DYNC2I1: variants seen among roughly 807,000 people sequenced by gnomAD.
DYNC2I1 encodes cytoplasmic dynein 2 intermediate chain 1.
Under a neutral mutation model 133.4 loss-of-function variants are expected in DYNC2I1, and 89 were observed. That is an observed-to-expected ratio of 0.67 (90% CI 0.56 to 0.80). The LOEUF is 0.80. DYNC2I1 is among the 30% of genes least tolerant of loss of function. The pLI is 0.00. For synonymous variants in DYNC2I1, 504 were observed against 484.3 expected, an observed-to-expected ratio of 1.04 and a Z score of -0.54; for missense variants, 1,291 against 1,314.5, an observed-to-expected ratio of 0.98 and a Z score of 0.28.
chr7:158,937,083 GAGCTCTCTGACC>G (rs1850833274), intron 23 of DYNC2I1, among the ~76,000 whole-genome samples: 2 of 152,170 alleles, frequency 1.3e-5, no homozygotes. Flanking sequence ...AGTGATTTGT[GAGCTCTCTGACC>G]AAGAGTTCAG....
intron 1 of DYNC2I1, among the ~76,000 whole-genome samples, chr7:158,867,395 G>A (rs1281948219): frequency 6.6e-6 from 1 of 152,192 alleles, no homozygotes; most frequent in Non-Finnish European, 1.5e-5. Context: ...TGAGGCCTCA[G>A]TGCAGCTGTG....
intron 6 of DYNC2I1, among the ~76,000 whole-genome samples, chr7:158,885,211 T>A (rs904248755): frequency 6.6e-6 from 1 of 151,774 alleles, no homozygotes; most frequent in Non-Finnish European, 1.5e-5. Context: ...GAGCTGGGGG[T>A]GGGGGTCAGC....
At chr7:158,856,802 T>C in intron 1 of DYNC2I1, 52 bp downstream of exon 1, 1 of 1,231,030 alleles carries the variant, frequency 8.1e-7, no homozygotes, top group Non-Finnish European at 1.0e-6. Flanking sequence ...CGCGGACTCC[T>C]TCGGGCGCCG....
At chr7:158,926,526 C>A in intron 19 of DYNC2I1, 63 bp downstream of exon 19, 1 of 1,562,838 alleles carries the variant, frequency 6.4e-7, no homozygotes, top group Non-Finnish European at 8.7e-7. Context: ...GTGGAGGTGG[C>A]GCCTGAATGG....
At chr7:158,928,454 A>G (rs1849844975) in intron 20 of DYNC2I1, among the ~76,000 whole-genome samples, 1 of 152,140 alleles carries the variant, frequency 6.6e-6, no homozygotes, top group Non-Finnish European at 1.5e-5. Flanking sequence ...TGGCCCTTGG[A>G]GCAAATGCTC....
chr7:158,948,764 A>T (rs1563219630), downstream of DYNC2I1, among the ~76,000 whole-genome samples: 2 of 152,112 alleles, frequency 1.3e-5, no homozygotes, highest in Non-Finnish European at 2.9e-5. Context: ...TGGAGTCAAG[A>T]GGGGGGTCCA....
downstream of DYNC2I1, among the ~76,000 whole-genome samples, chr7:158,949,886 C>G (rs1314020743): frequency 1.3e-5 from 2 of 151,812 alleles, no homozygotes; most frequent in Non-Finnish European, 2.9e-5. Context: ...ATTCTTCTGC[C>G]TCAGCCTCCC....
intron 15 of DYNC2I1, among the ~76,000 whole-genome samples, chr7:158,921,938 G>A (rs1364664321): frequency 6.6e-6 from 1 of 152,220 alleles, no homozygotes; most frequent in African/African-American, 2.4e-5. Context: ...GTCTGGAACG[G>A]CGCTCAGCCG....
chr7:158,871,113 A>C (rs1187938300), intron 2 of DYNC2I1, 29 bp from the exon 3 acceptor site: 2 of 1,584,118 alleles, frequency 1.3e-6, no homozygotes, highest in Non-Finnish European at 8.6e-7. Context: ...CTTCCTGGTC[A>C]CGGAGGACCC....
At chr7:158,935,560 T>C (rs2129488025) in intron 23 of DYNC2I1, among the ~76,000 whole-genome samples, 1 of 152,352 alleles carries the variant, frequency 6.6e-6, no homozygotes, top group Non-Finnish European at 1.5e-5. Flanking sequence ...TTATAAATTA[T>C]GTTTATATGT....
At chr7:158,848,442 A>G in the DYNC2I1 span, among the ~76,000 whole-genome samples, 5 of 152,348 alleles carry the variant, frequency 3.3e-5, no homozygotes, top group East Asian at 9.6e-4. Context: ...TCTGTCCCCC[A>G]TGAGTCTTAC....
In DYNC2I1 at chr7:158,909,330, CAAAAAAA is replaced by C. The variant is rs66565045; in HGVS notation, c.1461-2201_1461-2195del. 1.5e-4 allele frequency among the ~76,000 whole-genome samples: 7 copies of C among 46,748 alleles called. No individual in the cohort carries two copies. In the East Asian group the frequency reaches 2.6e-3, roughly 17 times the overall value. The allele number at this position is 46,748 out of a possible 152,430, so 30.7% of individuals were successfully genotyped here. A position where few individuals can be genotyped will look rare whatever the true frequency, so the allele number is the denominator to read the frequency against. On this transcript the variant is annotated intron_variant, in intron 11 of 24. Transcript: ENST00000407559. ...TGGGCGACAGAGCAAGACTCTGTCTCAAAAAAAAAAAAAAAAAAAAAAAAAGATAATA... is the reference window on the plus strand; with the variant it reads ...TGGGCGACAGAGCAAGACTCTGTCTCAAAAAAAAAAAAAAAAAAGATAATA...
downstream of DYNC2I1, among the ~76,000 whole-genome samples, chr7:158,950,085 T>A (rs535386864): frequency 6.6e-5 from 10 of 152,198 alleles, no homozygotes; most frequent in African/African-American, 2.2e-4. Flanking sequence ...CGAGCGTTTT[T>A]AAAATTTTAT....
chr7:158,856,433 T>C (rs1043348897), upstream of DYNC2I1: 22 of 357,322 alleles, frequency 6.2e-5, no homozygotes, highest in Non-Finnish European at 9.5e-5. Context: ...GCCTGGCGGT[T>C]GCTAGGAGCC....
intron 11 of DYNC2I1, among the ~76,000 whole-genome samples, chr7:158,906,450 A>T (rs980478736): frequency 9.2e-5 from 14 of 152,136 alleles, no homozygotes; most frequent in Non-Finnish European, 1.3e-4. Flanking sequence ...TGAAAAAAAT[A>T]AATATTTTTA....
intron 21 of DYNC2I1, among the ~76,000 whole-genome samples, chr7:158,932,221 A>T (rs1296034528): frequency 1.3e-5 from 2 of 152,188 alleles, no homozygotes; most frequent in Admixed American, 6.5e-5. Flanking sequence ...TGTCGTGCAG[A>T]GGACGAAGTG....
chr7:158,929,901 C>A (rs930097074), intron 20 of DYNC2I1, among the ~76,000 whole-genome samples: 1 of 152,124 alleles, frequency 6.6e-6, no homozygotes, highest in Non-Finnish European at 1.5e-5. Flanking sequence ...GCCTCAGAGC[C>A]GTGGCTCTGT....
the DYNC2I1 span, among the ~76,000 whole-genome samples, chr7:158,840,200 A>G: frequency 2.0e-5 from 3 of 151,848 alleles, no homozygotes; most frequent in Non-Finnish European, 2.9e-5. Flanking sequence ...GGGAGGCTGA[A>G]GTGGGAGGAT....
chr7:158,876,509 C>A, intron 3 of DYNC2I1, 100 bp from the exon 4 acceptor site: 3 of 1,373,344 alleles, frequency 2.2e-6, no homozygotes, highest in Non-Finnish European at 2.9e-6. Context: ...TACATATTAA[C>A]GAATATAAAA....
Sources: gnomAD v4.1 joint callset for allele counts (sites outside exome capture counted in the v4.1 genomes callset) on GRCh38, gnomAD v4.1.1 for gene constraint, MANE v1.5 for transcripts, NCBI Gene and HGNC (gene_info 2026-07-23, HGNC 2026-07-21) for gene names.